The following DLG2 variants were observed in gnomAD, a reference collection of about 807,000 sequenced individuals.
DLG2 encodes disks large homolog 2.
In DLG2, 45 loss-of-function variants were observed where a neutral mutation model predicts 132.5. The observed-to-expected ratio is 0.34, with a 90% CI of 0.27 to 0.44. DLG2 has a LOEUF of 0.44. DLG2 is among the 20% of genes least tolerant of loss of function. The pLI is 1.00. For missense variants in DLG2, 1,045 were observed against 1,196.9 expected, an observed-to-expected ratio of 0.87 and a Z score of 1.87; for synonymous variants, 424 against 419.6, an observed-to-expected ratio of 1.01 and a Z score of -0.13.
intron 7 of DLG2, among the ~76,000 whole-genome samples, chr11:84,286,011 G>C (rs1044375723): frequency 5.9e-5 from 9 of 152,132 alleles, no homozygotes; most frequent in Non-Finnish European, 1.2e-4. Flanking sequence ...GGTTCAATGA[G>C]AGGCCCCTGA....
At position 83,774,254 on chromosome 11, in the gene DLG2, C is replaced by T. The variant is rs140590569; in HGVS notation, c.1825+12436G>A. On this transcript the variant is annotated intron_variant, in intron 18 of 27. Coordinates refer to ENST00000376104, the MANE Select transcript of DLG2 (RefSeq NM_001142699.3). ...CCAAGGGTTTTCTCAAGTTCCATTC[C>T]TCCTCTGGGTCTAATTATCTCTCTC... is the stretch of plus-strand genomic sequence containing the variant. Among the ~76,000 whole-genome samples, 1,329 of 152,302 alleles carry T rather than the reference C, an allele frequency of 8.7e-3. 20 individuals are homozygous for T. The highest frequency in any genetic ancestry group is 0.013 in the Non-Finnish European group (901 of 68,028).
At chr11:83,564,430 C>T (rs1333664903) in intron 19 of DLG2, among the ~76,000 whole-genome samples, 4 of 152,148 alleles carry the variant, frequency 2.6e-5, no homozygotes, top group African/African-American at 4.8e-5. Context: ...CTCATTGCTT[C>T]ACAAGGTTGC....
At chr11:85,413,202 A>G (rs565804650) in intron 3 of DLG2, among the ~76,000 whole-genome samples, 32 of 152,050 alleles carry the variant, frequency 2.1e-4, no homozygotes, top group African/African-American at 6.3e-4. Flanking sequence ...GGCCATTTGT[A>G]TATCTTCTTT....
chr11:83,848,608 G>A (rs2059102833), intron 16 of DLG2, among the ~76,000 whole-genome samples: 1 of 152,054 alleles, frequency 6.6e-6, no homozygotes, highest in Non-Finnish European at 1.5e-5. Context: ...ATTCAGAAAT[G>A]CCTCTCACGT....
At chr11:83,467,320 A>G (rs1208941661) in intron 25 of DLG2, among the ~76,000 whole-genome samples, 1 of 152,166 alleles carries the variant, frequency 6.6e-6, no homozygotes, top group Non-Finnish European at 1.5e-5. Flanking sequence ...GAAAAAATAG[A>G]CACCTCATTG....
intron 6 of DLG2, among the ~76,000 whole-genome samples, chr11:84,591,331 T>A (rs992831790): frequency 1.3e-5 from 2 of 151,250 alleles, no homozygotes; most frequent in African/African-American, 4.9e-5. Context: ...TTTTTTTGTT[T>A]TGTTTGTTTG....
At chr11:83,739,830 C>T (rs1270230618) in intron 18 of DLG2, among the ~76,000 whole-genome samples, 1 of 152,126 alleles carries the variant, frequency 6.6e-6, no homozygotes, top group Non-Finnish European at 1.5e-5. Context: ...CTCATGGACT[C>T]ATCACAGTGC....
chr11:84,793,878 T>G (rs916031590), intron 6 of DLG2, among the ~76,000 whole-genome samples: 11 of 152,202 alleles, frequency 7.2e-5, no homozygotes, highest in Non-Finnish European at 1.3e-4. Flanking sequence ...ATTGGAAAGC[T>G]TAGTTCATTT....
intron 3 of DLG2, among the ~76,000 whole-genome samples, chr11:85,288,234 C>T (rs1182480892): frequency 6.6e-6 from 1 of 151,798 alleles, no homozygotes; most frequent in Admixed American, 6.6e-5. Flanking sequence ...TTAAGATTTA[C>T]AGAGAAAAGT....
At chr11:84,029,313 T>C (rs1176135992) in intron 11 of DLG2, among the ~76,000 whole-genome samples, 1 of 152,064 alleles carries the variant, frequency 6.6e-6, no homozygotes, top group Non-Finnish European at 1.5e-5. Flanking sequence ...CAAATCTTAA[T>C]GTAAATAAGA....
chr11:83,644,774 C>T (rs572084878), intron 18 of DLG2, among the ~76,000 whole-genome samples: 15 of 152,036 alleles, frequency 9.9e-5, no homozygotes, highest in Non-Finnish European at 2.1e-4. Context: ...AAATTGTTCC[C>T]CTAATTTTTG....
chr11:84,426,249 A>G (rs2154470690), intron 7 of DLG2, among the ~76,000 whole-genome samples: 1 of 152,222 alleles, frequency 6.6e-6, no homozygotes. Flanking sequence ...AATTGCGAAT[A>G]TCTAGGTTCA....
chr11:84,974,428 C>A (rs1566550203), intron 6 of DLG2, among the ~76,000 whole-genome samples: 2 of 152,140 alleles, frequency 1.3e-5, no homozygotes, highest in African/African-American at 4.8e-5. Context: ...AATGTCCTCA[C>A]CTGTAGAATG....
At chr11:83,958,821 C>T (rs141636705) in intron 14 of DLG2, among the ~76,000 whole-genome samples, 2 of 152,110 alleles carry the variant, frequency 1.3e-5, no homozygotes, top group African/African-American at 4.8e-5. Flanking sequence ...TTTCTTACTC[C>T]AGCCAAAAAA....
chr11:84,679,701 T>C (rs1264465538), intron 6 of DLG2, among the ~76,000 whole-genome samples: 1 of 152,150 alleles, frequency 6.6e-6, no homozygotes, highest in Non-Finnish European at 1.5e-5. Context: ...TAAAGTCATT[T>C]AGTCTTCACA....
intron 6 of DLG2, among the ~76,000 whole-genome samples, chr11:84,807,824 A>G (rs1241108285): frequency 6.6e-6 from 1 of 152,222 alleles, no homozygotes; most frequent in Non-Finnish European, 1.5e-5. Flanking sequence ...ACATGTATGT[A>G]CAAATAAGAG....
intron 6 of DLG2, among the ~76,000 whole-genome samples, chr11:84,814,648 G>C (rs906584361): frequency 6.6e-6 from 1 of 151,978 alleles, no homozygotes; most frequent in African/African-American, 2.4e-5. Flanking sequence ...AGATGTTTAT[G>C]TTTGTTCATG....
At chr11:83,904,083 A>G (rs2074142794) in intron 15 of DLG2, among the ~76,000 whole-genome samples, 1 of 152,174 alleles carries the variant, frequency 6.6e-6, no homozygotes, top group Non-Finnish European at 1.5e-5. Context: ...TTTGATCACA[A>G]GCACTGCAAT....
intron 19 of DLG2, among the ~76,000 whole-genome samples, chr11:83,572,924 A>G (rs889194155): frequency 6.6e-6 from 1 of 152,162 alleles, no homozygotes; most frequent in African/African-American, 2.4e-5. Flanking sequence ...TCTAATTTCA[A>G]AAGACTACCC....
Sources: gnomAD v4.1 joint callset for allele counts (sites outside exome capture counted in the v4.1 genomes callset) on GRCh38, gnomAD v4.1.1 for gene constraint, MANE v1.5 for transcripts, NCBI Gene and HGNC (gene_info 2026-07-23, HGNC 2026-07-21) for gene names.